GLI2: variants seen among roughly 807,000 people sequenced by gnomAD.
GLI2 encodes transcription activator GLI2.
Under a neutral mutation model 78.9 loss-of-function variants are expected in GLI2, and 22 were observed. The observed-to-expected ratio is 0.28, with a 90% CI of 0.20 to 0.40. GLI2 has a LOEUF of 0.40. Ranked by LOEUF, GLI2 falls within the 10% of genes least tolerant of loss-of-function variation. GLI2 has a pLI of 1.00. For synonymous variants in GLI2, 974 were observed against 963.7 expected, an observed-to-expected ratio of 1.01 and a Z score of -0.20; for missense variants, 2,097 against 2,213.2, an observed-to-expected ratio of 0.95 and a Z score of 1.05.
At chr2:120,793,764 C>A (rs929332966) in intron 1 of GLI2, among the ~76,000 whole-genome samples, 1 of 152,220 alleles carries the variant, frequency 6.6e-6, no homozygotes. Context: ...AGCTGGGCAT[C>A]TGAATAAATG....
intron 5 of GLI2, among the ~76,000 whole-genome samples, chr2:120,965,303 A>G (rs1168674939): frequency 1.2e-4 from 14 of 113,482 alleles, no homozygotes; most frequent in East Asian, 2.7e-4. Flanking sequence ...AGATGCTGTA[A>G]CAGAGGGGCA....
At chr2:120,927,230 C>A in intron 2 of GLI2, 131 bp from the exon 3 acceptor site, 1 of 770,734 alleles carries the variant, frequency 1.3e-6, no homozygotes. Context: ...TGTGATCGCG[C>A]GGGCACTGCG....
intron 1 of GLI2, among the ~76,000 whole-genome samples, chr2:120,794,671 G>A (rs13429224): frequency 0.022 from 3,278 of 152,206 alleles, 87 homozygotes; most frequent in African/African-American, 0.071. Context: ...TAAGGATGCA[G>A]CTCAGGTGGC....
intron 5 of GLI2, among the ~76,000 whole-genome samples, chr2:120,965,409 G>A (rs55999560): frequency 4.3e-3 from 252 of 58,920 alleles, no homozygotes; most frequent in Middle Eastern, 0.016. Flanking sequence ...CAGGATGCAG[G>A]TGCTGCAGCA....
In GLI2 at chr2:120,810,005, T is replaced by C. The variant is rs566628465; in HGVS notation, c.148+12537T>C. ...CTGAGAGAGATGCCCTGTGAGCATT[T>C]CAGGGTGACCCTGCTGGCCCCAACT... is the stretch of plus-strand genomic sequence containing the variant. On this transcript the variant is annotated intron_variant, in intron 2 of 13. Coordinates refer to ENST00000361492, the MANE Select transcript of GLI2 (RefSeq NM_001374353.1). 3.3e-5 allele frequency among the ~76,000 whole-genome samples: 5 copies of C among 152,312 alleles called. No individual in the cohort carries two copies. In the South Asian group the frequency reaches 1.0e-3, roughly 32 times the overall value.
chr2:120,986,130 TTA>T, intron 12 of GLI2, 146 bp from the exon 13 acceptor site: 1 of 700,332 alleles, frequency 1.4e-6, no homozygotes, highest in Non-Finnish European at 2.5e-6. Context: ...TCATGACGCT[TTA>T]CGTGCTCCTC....
At position 120,951,258 on chromosome 2, in the gene GLI2, C is replaced by T. The variant is rs370629096; in HGVS notation, c.270C>T (p.Ser90=). The T allele has an allele frequency of 1.3e-5, 21 of 1,608,224 alleles. No individual in the cohort carries two copies. The East Asian group carries it at 1.6e-4, about 12-fold the overall frequency. The change falls in exon 4 of 14, where the codon AGC becomes AGT. Residue 90 remains serine, a synonymous_variant. Coordinates refer to ENST00000361492, the MANE Select transcript of GLI2 (RefSeq NM_001374353.1). ...VHGVHGPPAL[S]GSPVISDISL... ...GTCTCTGCAGGCCCCCTGCCCTCAG[C>T]GGCAGCCCTGTCATCTCTGACATCT... is the stretch of plus-strand genomic sequence containing the variant.
At chr2:120,870,093 C>T (rs1248145978) in intron 2 of GLI2, among the ~76,000 whole-genome samples, 1 of 152,188 alleles carries the variant, frequency 6.6e-6, no homozygotes, top group Non-Finnish European at 1.5e-5. Context: ...GCAAAGCTAT[C>T]AAGGCCATGC....
At chr2:120,964,510 G>A (rs955198630) in intron 5 of GLI2, among the ~76,000 whole-genome samples, 30 of 152,234 alleles carry the variant, frequency 2.0e-4, no homozygotes, top group Admixed American at 1.6e-3. Flanking sequence ...TAGGGGTGGA[G>A]TTTGAAAGGA....
At position 120,856,552 on chromosome 2, in the gene GLI2, G is replaced by GA. The variant is rs1687653438; in HGVS notation, c.148+59084_148+59085insA. Reference sequence around the variant, plus strand: ...CCGATCTCCACTGCCTGTAGACTTTGCAGTGTCCGGACCTGGCTTTGACCT... The same window carrying GA: ...CCGATCTCCACTGCCTGTAGACTTTGACAGTGTCCGGACCTGGCTTTGACCT... On this transcript the variant is annotated intron_variant, in intron 2 of 13. Coordinates refer to ENST00000361492, the MANE Select transcript of GLI2 (RefSeq NM_001374353.1). Among the ~76,000 whole-genome samples, 5 of 152,298 alleles carry GA rather than the reference G, an allele frequency of 3.3e-5. No homozygotes were observed. The South Asian group carries it at 1.0e-3, about 32-fold the overall frequency.
chr2:120,980,718 T>C (rs1682679658), intron 10 of GLI2, among the ~76,000 whole-genome samples: 1 of 152,260 alleles, frequency 6.6e-6, no homozygotes. Context: ...AAAATTTACC[T>C]CTATGTTTTC....
At chr2:120,853,519 C>CA (rs1248089865) in intron 2 of GLI2, among the ~76,000 whole-genome samples, 1 of 152,134 alleles carries the variant, frequency 6.6e-6, no homozygotes, top group African/African-American at 2.4e-5. Context: ...CAAGGGCTGG[C>CA]ATGGGATTGC....
chr2:120,778,788 G>A (rs879932987), intron 1 of GLI2, among the ~76,000 whole-genome samples: 1 of 152,224 alleles, frequency 6.6e-6, no homozygotes, highest in Non-Finnish European at 1.5e-5. Context: ...AGCTGCGACA[G>A]GGAAGCCACC....
intron 2 of GLI2, among the ~76,000 whole-genome samples, chr2:120,801,337 C>T (rs764637950): frequency 6.6e-6 from 1 of 152,142 alleles, no homozygotes; most frequent in Non-Finnish European, 1.5e-5. Flanking sequence ...TGGGGTTTCA[C>T]CATGTTAGCC....
intron 3 of GLI2, among the ~76,000 whole-genome samples, chr2:120,929,997 T>C (rs1336896286): frequency 6.6e-6 from 1 of 152,232 alleles, no homozygotes; most frequent in East Asian, 1.9e-4. Context: ...GATTTCTTGC[T>C]CATGAGTCAT....
At chr2:120,945,774 G>C (rs1459213585) in intron 3 of GLI2, among the ~76,000 whole-genome samples, 1 of 152,102 alleles carries the variant, frequency 6.6e-6, no homozygotes, top group African/African-American at 2.4e-5. Flanking sequence ...TCTAGCCAAA[G>C]CTGCTGTGTT....
intron 12 of GLI2, 67 bp from the exon 13 acceptor site, chr2:120,986,211 C>T: frequency 1.3e-5 from 19 of 1,452,050 alleles, no homozygotes; most frequent in Non-Finnish European, 1.8e-5. Context: ...CTGTGCAGGC[C>T]TAGAGGCAGG....
chr2:120,980,861 G>A (rs918784105), intron 10 of GLI2, among the ~76,000 whole-genome samples: 1 of 151,938 alleles, frequency 6.6e-6, no homozygotes, highest in Non-Finnish European at 1.5e-5. Flanking sequence ...CTTCCATTGA[G>A]GTCTTTGATC....
rs1180880421 is a variant in GLI2, at chr2:120,737,608, C to T, written c.-31+1323C>T. On this transcript the variant is annotated intron_variant, in intron 1 of 13. Transcript: ENST00000361492. The surrounding 1 kb of genome is among the most constrained non-coding windows in gnomAD (Gnocchi z 4.3). ...GACCTCTGGCACGGGCTTTGCAGCT[C>T]GGTGGCCGCAGCGGTGTCCCGGGCC... is the stretch of plus-strand genomic sequence containing the variant. Among the ~76,000 whole-genome samples, 1 of 152,132 alleles carries T rather than the reference C, an allele frequency of 6.6e-6. No homozygotes were observed. Among genetic ancestry groups the T allele is most frequent in the African/African-American group, 2.4e-5 (1 of 41,424 alleles).
Sources: gnomAD v4.1 joint callset for allele counts (sites outside exome capture counted in the v4.1 genomes callset) on GRCh38, gnomAD v4.1.1 for gene constraint, Gnocchi (gnomAD v3.1) non-coding constraint, MANE v1.5 for transcripts, NCBI Gene and HGNC (gene_info 2026-07-23, HGNC 2026-07-21) for gene names.